Variants in RXRA observed in about 807,000 individuals in gnomAD.
The protein encoded by RXRA is retinoid X receptor alpha.
A neutral mutation model predicts 44.5 loss-of-function variants in RXRA; 5 were observed. The observed-to-expected ratio is 0.11, with a 90% CI of 0.06 to 0.24. RXRA has a LOEUF of 0.24. Among genes scored for constraint, RXRA ranks in the 10% least tolerant of loss-of-function variants. RXRA has a pLI of 1.00. For missense variants in RXRA, 412 were observed against 646.5 expected (o/e 0.64, Z 3.93); for synonymous variants, 291 against 271.4 (o/e 1.07, Z -0.71).
rs1008056984 is a variant in RXRA at position 134,359,597 on chromosome 9, C to T, written c.28+32938C>T. Among the ~76,000 whole-genome samples, 9 of 152,270 alleles carry T rather than the reference C, an allele frequency of 5.9e-5. No homozygotes were observed. The South Asian group carries it at 6.2e-4, about 11-fold the overall frequency. Reference sequence around the variant, plus strand: ...GGCTGGAAGGGGCTACCTTGACCTCCGGGGAGGGGTGTGACCTACCCCCTG... The same window carrying T: ...GGCTGGAAGGGGCTACCTTGACCTCTGGGGAGGGGTGTGACCTACCCCCTG... On this transcript the variant is annotated intron_variant, in intron 1 of 9. Transcript: ENST00000481739.
chr9:134,365,193 C>T lies in RXRA; in HGVS notation c.29-36439C>T, dbSNP rs1471956694. Among the ~76,000 whole-genome samples, 5 of 152,326 alleles carry T rather than the reference C, an allele frequency of 3.3e-5. No individual in the cohort carries two copies. Among genetic ancestry groups the T allele is most frequent in the Middle Eastern group, 6.8e-3 (2 of 294 alleles). On this transcript the variant is annotated intron_variant, in intron 1 of 9. Transcript: ENST00000481739. This position sits in a 1 kb window ranked among gnomAD's most constrained non-coding sequence, Gnocchi z 4.0. ...GCACGCTGGGCCCGGGAAAGCCCCT[C>T]GTGGGCCATCTCCCGGAGTTCTCTT...
chr9:134,427,962 A>G (rs1402708580), intron 6 of RXRA, among the ~76,000 whole-genome samples: 1 of 152,036 alleles, frequency 6.6e-6, no homozygotes, highest in African/African-American at 2.4e-5. Context: ...TGTCTATAAG[A>G]GCTGTTAAAA....
rs754057224 is a variant in RXRA at position 134,436,655 on chromosome 9, C to G, written c.*41C>G. The G allele has an allele frequency of 3.7e-6, 6 of 1,609,238 alleles. No homozygotes were observed. In the East Asian group the frequency reaches 1.3e-4, roughly 36 times the overall value. ...CTTTGTGCCCACCCGTTCTGGCCACCCTGCCTGGACGCCAGCTGTTCTTCT... is the reference window on the plus strand; with the variant it reads ...CTTTGTGCCCACCCGTTCTGGCCACGCTGCCTGGACGCCAGCTGTTCTTCT... On this transcript the variant is annotated 3_prime_UTR_variant, in exon 10 of 10. Coordinates refer to ENST00000481739, the MANE Select transcript of RXRA (RefSeq NM_002957.6).
In RXRA at chr9:134,409,004, G is replaced by A. The variant is rs532459948; in HGVS notation, c.495G>A (p.Lys165=). ...CKGFFKRTVR[K]DLTYTCRDNK... ...GCTTCTTCAAGCGGACGGTGCGCAA[G>A]GACCTGACCTACACCTGCCGCGACA... Residue 165 remains lysine (K), a synonymous_variant, in exon 4 of 10, where the codon AAG becomes AAA. Transcript: ENST00000481739. The A allele has an allele frequency of 1.1e-5, 18 of 1,610,624 alleles. No individual in the cohort carries two copies. In the South Asian group the frequency reaches 1.7e-4, roughly 15 times the overall value.
At chr9:134,377,127 G>A (rs945790552) in intron 1 of RXRA, among the ~76,000 whole-genome samples, 1 of 152,180 alleles carries the variant, frequency 6.6e-6, no homozygotes, top group Admixed American at 6.5e-5. Context: ...CTTTGGGGAC[G>A]GAGCCCCAAG....
intron 7 of RXRA, among the ~76,000 whole-genome samples, chr9:134,429,935 G>A (rs1301007757): frequency 1.3e-5 from 2 of 151,992 alleles, no homozygotes; most frequent in Non-Finnish European, 2.9e-5. Flanking sequence ...GCCCAGGCTA[G>A]ATTGCAGTGG....
intron 9 of RXRA, among the ~76,000 whole-genome samples, chr9:134,435,407 G>A (rs1024145430): frequency 2.6e-5 from 1 of 37,982 alleles, no homozygotes; most frequent in East Asian, 7.5e-4. Flanking sequence ...CCCCCCACTG[G>A]TCCCTGCCCC....
chr9:134,333,712 G>A (rs1176398437), intron 1 of RXRA, among the ~76,000 whole-genome samples: 2 of 152,202 alleles, frequency 1.3e-5, no homozygotes, highest in African/African-American at 2.4e-5. Flanking sequence ...TAAGTATCCT[G>A]TAATTGACCA....
chr9:134,326,526 C>A lies in RXRA; in HGVS notation c.-106C>A. 1 of 152,566 alleles carries A rather than the reference C, an allele frequency of 6.6e-6. No individual in the cohort carries two copies. The allele number at this position is 152,566 out of a possible 1,614,324, so 9.5% of individuals were successfully genotyped here. A position where few individuals can be genotyped will look rare whatever the true frequency, so the allele number is the denominator to read the frequency against. ...CCTCCGCGCGCCGCCGCCGCCACCG[C>A]AGCCGCCGGCTCCCCGCCGCCCGGG... On this transcript the variant is annotated 5_prime_UTR_variant, in exon 1 of 10. Coordinates refer to ENST00000481739, the MANE Select transcript of RXRA (RefSeq NM_002957.6).
chr9:134,358,507 C>G (rs1017208186), intron 1 of RXRA, among the ~76,000 whole-genome samples: 2 of 152,308 alleles, frequency 1.3e-5, no homozygotes, highest in Non-Finnish European at 2.9e-5. Context: ...GTGCAGTCCT[C>G]AGAGGCCTTG....
intron 1 of RXRA, among the ~76,000 whole-genome samples, chr9:134,396,382 G>A (rs1472601394): frequency 2.6e-5 from 4 of 152,000 alleles, no homozygotes; most frequent in Admixed American, 1.3e-4. Flanking sequence ...CCCTGTCCCC[G>A]CCAGCGCTGC....
At chr9:134,397,982 T>A (rs943045337) in intron 1 of RXRA, among the ~76,000 whole-genome samples, 1 of 152,088 alleles carries the variant, frequency 6.6e-6, no homozygotes, top group Non-Finnish European at 1.5e-5. Flanking sequence ...TTTTTTTATT[T>A]TTTATTTTTT....
chr9:134,396,948 G>C (rs916549753), intron 1 of RXRA, among the ~76,000 whole-genome samples: 1 of 152,354 alleles, frequency 6.6e-6, no homozygotes, highest in Admixed American at 6.5e-5. Context: ...CTGCCCAGGA[G>C]GGGGCTGGAG....
intron 1 of RXRA, among the ~76,000 whole-genome samples, chr9:134,393,388 G>A (rs574212046): frequency 3.9e-4 from 60 of 152,310 alleles, no homozygotes; most frequent in Non-Finnish European, 7.4e-4. Flanking sequence ...ATTTGGGAGT[G>A]GATGCTGCTC....
At position 134,426,017 on chromosome 9, in the gene RXRA, A is replaced by C. The variant is rs1198113445; in HGVS notation, c.911-3091A>C. ...GCTGTTCCTTCCGGAAGCGCTGTCC[A>C]GGGGTCCTGCAACCCCAGCAGAGGC... On this transcript the variant is annotated intron_variant, in intron 6 of 9. Transcript: ENST00000481739. The surrounding 1 kb of genome is among the most constrained non-coding windows in gnomAD (Gnocchi z 4.6). 7.1e-6 allele frequency: 7 copies of C among 985,238 alleles called. No homozygotes were observed. Among genetic ancestry groups the C allele is most frequent in the Non-Finnish European group, 8.4e-6 (7 of 829,916 alleles). 61.0% of individuals were successfully genotyped at this position (985,238 alleles called of 1,614,324 possible).
At position 134,439,833 on chromosome 9, in the gene RXRA, G is replaced by A. The variant is rs1831700948; in HGVS notation, c.*3219G>A. 6.6e-6 allele frequency: 1 copy of A among 152,294 alleles called. No individual in the cohort carries two copies. Among genetic ancestry groups the A allele is most frequent in the South Asian group, 2.1e-4 (1 of 4,838 alleles). The allele number at this position is 152,294 out of a possible 1,614,324, so 9.4% of individuals were successfully genotyped here. A position where few individuals can be genotyped will look rare whatever the true frequency, so the allele number is the denominator to read the frequency against. On this transcript the variant is annotated 3_prime_UTR_variant, in exon 10 of 10. Coordinates refer to ENST00000481739, the MANE Select transcript of RXRA (RefSeq NM_002957.6). The stretch of plus-strand genomic sequence containing the variant: ...GTGTTTTGTGTTTATTTTTAATCAA[G>A]ACGTTTCCCCTGTTTTCCTATAAAT...
chr9:134,396,768 G>T (rs372543053), intron 1 of RXRA, among the ~76,000 whole-genome samples: 1 of 152,158 alleles, frequency 6.6e-6, no homozygotes, highest in African/African-American at 2.4e-5. Context: ...GGGCTTCCTG[G>T]GGCGCCAGAT....
intron 1 of RXRA, among the ~76,000 whole-genome samples, chr9:134,381,066 A>G (rs1029348132): frequency 6.6e-6 from 1 of 152,152 alleles, no homozygotes; most frequent in African/African-American, 2.4e-5. Flanking sequence ...TGACCCGGAC[A>G]AGGGGTTTTC....
chr9:134,349,006 G>C lies in RXRA; in HGVS notation c.28+22347G>C, dbSNP rs180886878. ...AGACTCGGGAGGGGCTGGCATATCC[G>C]AGACCCAGTTCTGTCACTTGCAGTG... On this transcript the variant is annotated intron_variant, in intron 1 of 9. Transcript: ENST00000481739. This position sits in a 1 kb window ranked among gnomAD's most constrained non-coding sequence, Gnocchi z 4.3. Among the ~76,000 whole-genome samples, 2,037 of 152,308 alleles carry C rather than the reference G, an allele frequency of 0.013. 18 individuals are homozygous for C. Among genetic ancestry groups the C allele is most frequent in the Non-Finnish European group, 0.023 (1,563 of 68,020 alleles).
Sources: allele counts gnomAD v4.1 joint callset (sites outside exome capture counted in the v4.1 genomes callset), GRCh38; gene constraint gnomAD v4.1.1; non-coding constraint Gnocchi (gnomAD v3.1); transcripts MANE v1.5; gene names NCBI Gene and HGNC (gene_info 2026-07-23, HGNC 2026-07-21).